GOLPH3: variants seen among roughly 807,000 people sequenced by gnomAD.
GOLPH3 encodes the protein golgi phosphoprotein 3, also known as coat protein GPP34.
Under a neutral mutation model 28.5 loss-of-function variants are expected in GOLPH3, and 14 were observed. That is an observed-to-expected ratio of 0.49 (90% CI 0.32 to 0.77). The LOEUF (loss-of-function observed/expected upper bound fraction) is 0.77, where lower values mean the gene tolerates loss of function less well. Ranked by LOEUF, GOLPH3 falls within the 30% of genes least tolerant of loss-of-function variation. The probability of loss-of-function intolerance (pLI) is 0.03; values close to 1 mark genes in which losing one functional copy is unlikely to be tolerated. For missense variants in GOLPH3, 350 were observed against 393.7 expected (o/e 0.89, Z 0.94); for synonymous variants, 158 against 159.2 (o/e 0.99, Z 0.06).
At chr5:32,162,341 A>G (rs893954070) in intron 1 of GOLPH3, among the ~76,000 whole-genome samples, 2 of 149,680 alleles carry the variant, frequency 1.3e-5, no homozygotes, top group Admixed American at 1.3e-4. Context: ...AAATACAAAA[A>G]TTTAGCCAGG....
Position 32,143,829 on chromosome 5 carries a change from T to C in GOLPH3, c.277A>G (p.Met93Val). 1.9e-6 allele frequency: 3 copies of C among 1,600,170 alleles called. No individual in the cohort carries two copies. Among genetic ancestry groups the C allele is most frequent in the Non-Finnish European group, 2.6e-6 (3 of 1,173,538 alleles). The change falls in exon 2 of 4, where the codon ATG becomes GTG. Residue 93 changes from methionine to valine, a missense_variant. By Grantham distance (21) the Met-to-Val change is conservative. Transcript: ENST00000265070. ...CCTCTCAATGCTAATTCAATTAACA[T>C]ACAGCCACGTAATCCAGATGATATA... ...DCISSGLRGC[M>V]LIELALRGRL... is the part of the protein sequence containing the mutation.
chr5:32,148,378 A>ACT (rs1746224880), intron 1 of GOLPH3, among the ~76,000 whole-genome samples: 2 of 152,368 alleles, frequency 1.3e-5, no homozygotes, highest in Admixed American at 1.3e-4. Flanking sequence ...GGCATAAAGT[A>ACT]CTCAAAATAG....
At chr5:32,157,634 T>C (rs1449717076) in intron 1 of GOLPH3, among the ~76,000 whole-genome samples, 12 of 152,222 alleles carry the variant, frequency 7.9e-5, no homozygotes, top group African/African-American at 2.4e-4. Flanking sequence ...TAAAAAAATA[T>C]TGAAATCTCA....
At chr5:32,166,994 A>C (rs1561686382) in intron 1 of GOLPH3, among the ~76,000 whole-genome samples, 1 of 152,106 alleles carries the variant, frequency 6.6e-6, no homozygotes, top group South Asian at 2.1e-4. Context: ...AAGACATAAA[A>C]AAGTGTACAG....
At chr5:32,127,638 T>C (rs1366334191) in intron 3 of GOLPH3, among the ~76,000 whole-genome samples, 2 of 152,138 alleles carry the variant, frequency 1.3e-5, no homozygotes, top group African/African-American at 4.8e-5. Flanking sequence ...ACAGAACATT[T>C]TCATCATCAA....
At chr5:32,160,925 G>T (rs1746556905) in intron 1 of GOLPH3, among the ~76,000 whole-genome samples, 2 of 152,056 alleles carry the variant, frequency 1.3e-5, no homozygotes, top group African/African-American at 4.8e-5. Flanking sequence ...AAATTAGCCA[G>T]GCGTGGTGGC....
chr5:32,140,910 C>G (rs1746047109), intron 2 of GOLPH3, among the ~76,000 whole-genome samples: 1 of 152,042 alleles, frequency 6.6e-6, no homozygotes, highest in Non-Finnish European at 1.5e-5. Context: ...GCCTGTAATC[C>G]TTGCACTTTG....
chr5:32,125,964 A>G lies in GOLPH3; in HGVS notation c.*248T>C, dbSNP rs1242032029. The G allele has an allele frequency of 2.3e-6, 1 of 428,082 alleles. No homozygotes were observed. Among genetic ancestry groups the G allele is most frequent in the African/African-American group, 2.0e-5 (1 of 49,116 alleles). 26.5% of individuals were successfully genotyped at this position (428,082 alleles called of 1,614,324 possible). On this transcript the variant is annotated 3_prime_UTR_variant, in exon 4 of 4. Coordinates refer to ENST00000265070, the MANE Select transcript of GOLPH3 (RefSeq NM_022130.4). ...AGACCAGAAACCCAAAACAGGTAAC[A>G]GTGAGGATGGCAACAGGGAATGGAA...
chr5:32,164,070 C>T (rs1746652969), intron 1 of GOLPH3, among the ~76,000 whole-genome samples: 1 of 152,124 alleles, frequency 6.6e-6, no homozygotes, highest in South Asian at 2.1e-4. Flanking sequence ...TAACTTTTAC[C>T]TTAAAACTTT....
intron 3 of GOLPH3, among the ~76,000 whole-genome samples, chr5:32,129,065 C>T (rs1318938652): frequency 6.6e-6 from 1 of 152,000 alleles, no homozygotes; most frequent in East Asian, 1.9e-4. Context: ...GGCTGTAATC[C>T]CAGCTACTCG....
intron 1 of GOLPH3, among the ~76,000 whole-genome samples, chr5:32,157,884 G>A (rs1746465608): frequency 6.6e-6 from 1 of 151,818 alleles, no homozygotes; most frequent in Non-Finnish European, 1.5e-5. Context: ...GGCTAAGGCA[G>A]AAGAATCGCT....
chr5:32,140,067 T>A (rs1333380002), intron 2 of GOLPH3, among the ~76,000 whole-genome samples: 1 of 151,774 alleles, frequency 6.6e-6, no homozygotes, highest in African/African-American at 2.4e-5. Flanking sequence ...AACCAAAATA[T>A]ACACATTTCT....
intron 3 of GOLPH3, among the ~76,000 whole-genome samples, chr5:32,134,374 T>G (rs971887529): frequency 6.6e-6 from 1 of 151,986 alleles, no homozygotes; most frequent in Non-Finnish European, 1.5e-5. Flanking sequence ...TCTGGCTAAT[T>G]CTTTTGTGTT....
chr5:32,140,530 A>G (rs1478015699), intron 2 of GOLPH3, among the ~76,000 whole-genome samples: 1 of 151,856 alleles, frequency 6.6e-6, no homozygotes, highest in Non-Finnish European at 1.5e-5. Flanking sequence ...GTGGTGGTGC[A>G]TGCCTGTAGT....
At chr5:32,130,868 CA>C (rs1261686287) in intron 3 of GOLPH3, among the ~76,000 whole-genome samples, 1 of 152,198 alleles carries the variant, frequency 6.6e-6, no homozygotes, top group Non-Finnish European at 1.5e-5. Context: ...TTACATATTG[CA>C]ACCAGTGGAA....
At chr5:32,130,530 A>C (rs1296997206) in intron 3 of GOLPH3, among the ~76,000 whole-genome samples, 2 of 152,156 alleles carry the variant, frequency 1.3e-5, no homozygotes, top group Middle Eastern at 3.2e-3. Context: ...CAAGCTATCC[A>C]TTTTTATTTT....
rs545848669 is a variant in GOLPH3 at position 32,161,804 on chromosome 5, G to A, written c.225+12006C>T. Among the ~76,000 whole-genome samples, 11 of 151,066 alleles carry A rather than the reference G, an allele frequency of 7.3e-5. No homozygotes were observed. The South Asian group carries it at 1.7e-3, about 23-fold the overall frequency. Reference sequence around the variant, plus strand: ...GCACTTTGGGAGGCAGAGGCGGGCGGACCACGAGGTCAGGAGATCAAAACC... The same window carrying A: ...GCACTTTGGGAGGCAGAGGCGGGCGAACCACGAGGTCAGGAGATCAAAACC... On this transcript the variant is annotated intron_variant, in intron 1 of 3. Coordinates refer to ENST00000265070, the MANE Select transcript of GOLPH3 (RefSeq NM_022130.4).
chr5:32,170,454 G>A (rs1746806868), intron 1 of GOLPH3, among the ~76,000 whole-genome samples: 1 of 152,156 alleles, frequency 6.6e-6, no homozygotes, highest in African/African-American at 2.4e-5. Flanking sequence ...AAAGTTCTTA[G>A]GAGAATCCAG....
At chr5:32,138,632 T>C (rs1324341593) in intron 2 of GOLPH3, among the ~76,000 whole-genome samples, 1 of 152,216 alleles carries the variant, frequency 6.6e-6, no homozygotes. Context: ...TATTAACATG[T>C]AATAAGTATT....
Sources: allele counts gnomAD v4.1 joint callset (sites outside exome capture counted in the v4.1 genomes callset), GRCh38; gene constraint gnomAD v4.1.1; transcripts MANE v1.5; gene names NCBI Gene and HGNC (gene_info 2026-07-23, HGNC 2026-07-21).